Variants in NDUFAF2 observed in about 807,000 individuals in gnomAD.
NDUFAF2 encodes the protein NADH:ubiquinone oxidoreductase complex assembly factor 2.
NDUFAF2 carries 13 observed loss-of-function variants against 22.8 expected under a neutral mutation model. The ratio of observed to expected loss-of-function variants is 0.57; its 90% CI spans 0.37 to 0.91. The LOEUF is 0.91. NDUFAF2 is among the 40% of genes least tolerant of loss of function. The pLI is 0.01. For synonymous variants in NDUFAF2, 53 were observed against 64.2 expected (o/e 0.83, Z 0.84); for missense variants, 162 against 195.2 (o/e 0.83, Z 1.01).
At chr5:61,116,278 G>A (rs1162834050) in intron 3 of NDUFAF2, 1 of 152,156 alleles carries the variant, frequency 6.6e-6, no homozygotes, top group Non-Finnish European at 1.5e-5. Context: ...ATGAAAAACA[G>A]AGACCCATAC....
intron 1 of NDUFAF2, among the ~76,000 whole-genome samples, chr5:60,995,637 A>G (rs1218867731): frequency 6.6e-6 from 1 of 152,326 alleles, no homozygotes; most frequent in African/African-American, 2.4e-5. Context: ...CCTGAAGCCA[A>G]CACAGCACTT....
chr5:61,071,139 A>G (rs570753989), intron 1 of NDUFAF2, among the ~76,000 whole-genome samples: 2 of 152,260 alleles, frequency 1.3e-5, no homozygotes, highest in East Asian at 3.9e-4. Context: ...TTGAACCTCT[A>G]CTGTGAGAGA....
At chr5:60,953,554 A>G (rs1034124866) in intron 1 of NDUFAF2, among the ~76,000 whole-genome samples, 1 of 152,094 alleles carries the variant, frequency 6.6e-6, no homozygotes, top group African/African-American at 2.4e-5. Flanking sequence ...TCCTGAGAAG[A>G]GGTTCAAGGC....
chr5:61,015,575 C>T (rs1485035742), intron 1 of NDUFAF2, among the ~76,000 whole-genome samples: 1 of 152,128 alleles, frequency 6.6e-6, no homozygotes, highest in Non-Finnish European at 1.5e-5. Context: ...AGCCACCTCA[C>T]CTGGCCCAAT....
chr5:61,149,219 C>T (rs901370633), intron 3 of NDUFAF2, among the ~76,000 whole-genome samples: 1 of 152,196 alleles, frequency 6.6e-6, no homozygotes, highest in Non-Finnish European at 1.5e-5. Context: ...GATCTGCCCG[C>T]TTTGACCTCC....
chr5:61,025,134 AT>A (rs565894400), intron 1 of NDUFAF2, among the ~76,000 whole-genome samples: 1 of 151,316 alleles, frequency 6.6e-6, no homozygotes, highest in South Asian at 2.1e-4. Flanking sequence ...ATGTTTTAAT[AT>A]TTTTTTTTCT....
At chr5:61,043,836 G>A (rs536493654) in intron 1 of NDUFAF2, among the ~76,000 whole-genome samples, 9 of 152,200 alleles carry the variant, frequency 5.9e-5, no homozygotes, top group Admixed American at 3.3e-4. Flanking sequence ...TATCTCTTCA[G>A]TACACTGATT....
chr5:60,969,036 C>T (rs1750794540), intron 1 of NDUFAF2, among the ~76,000 whole-genome samples: 1 of 152,078 alleles, frequency 6.6e-6, no homozygotes. Flanking sequence ...TTGCAAATGA[C>T]AGGATTGCAT....
At chr5:61,036,615 G>A (rs975139387) in intron 1 of NDUFAF2, among the ~76,000 whole-genome samples, 2 of 152,164 alleles carry the variant, frequency 1.3e-5, no homozygotes, top group Non-Finnish European at 2.9e-5. Context: ...CTGGGCCTAG[G>A]AGGGAAACTA....
At chr5:60,962,316 C>A (rs989796456) in intron 1 of NDUFAF2, among the ~76,000 whole-genome samples, 1 of 151,768 alleles carries the variant, frequency 6.6e-6, no homozygotes, top group Non-Finnish European at 1.5e-5. Flanking sequence ...TTGAAAGCAT[C>A]ATCAAGTTTT....
chr5:61,018,935 A>G (rs1382088583), intron 1 of NDUFAF2, among the ~76,000 whole-genome samples: 3 of 152,130 alleles, frequency 2.0e-5, no homozygotes, highest in Admixed American at 1.3e-4. Flanking sequence ...TTGTTTCCAA[A>G]TAAAATATCA....
chr5:60,978,044 G>A (rs757112124), intron 1 of NDUFAF2, among the ~76,000 whole-genome samples: 2 of 152,146 alleles, frequency 1.3e-5, no homozygotes, highest in African/African-American at 2.4e-5. Flanking sequence ...TTCCCTGGTA[G>A]CAGCTGTGGG....
At chr5:61,011,184 G>A (rs1267763226) in intron 1 of NDUFAF2, among the ~76,000 whole-genome samples, 1 of 152,062 alleles carries the variant, frequency 6.6e-6, no homozygotes, top group African/African-American at 2.4e-5. Context: ...TTCATATGAG[G>A]TTTTTCCTGT....
At chr5:61,080,897 A>T (rs1752432723) in intron 2 of NDUFAF2, among the ~76,000 whole-genome samples, 1 of 151,878 alleles carries the variant, frequency 6.6e-6, no homozygotes, top group Non-Finnish European at 1.5e-5. Context: ...TTTATATATC[A>T]TGGTTTCAAT....
At chr5:61,087,941 A>G (rs1752523548) in intron 2 of NDUFAF2, among the ~76,000 whole-genome samples, 1 of 152,146 alleles carries the variant, frequency 6.6e-6, no homozygotes, top group African/African-American at 2.4e-5. Flanking sequence ...GTTTCTGTGC[A>G]TCAGGAGCCC....
intron 3 of NDUFAF2, among the ~76,000 whole-genome samples, chr5:61,110,249 A>C (rs1378225924): frequency 1.3e-5 from 2 of 151,348 alleles, no homozygotes; most frequent in Non-Finnish European, 2.9e-5. Flanking sequence ...ATATTGGCCT[A>C]TAGTTTTCTT....
intron 1 of NDUFAF2, among the ~76,000 whole-genome samples, chr5:61,062,834 C>G (rs752292021): frequency 3.9e-5 from 6 of 152,238 alleles, no homozygotes; most frequent in East Asian, 1.9e-4. Context: ...ATTAAGAAAT[C>G]TCCATTAGAC....
rs535558957 is a variant in NDUFAF2 at position 61,072,010 on chromosome 5, T to C, written c.128-1115T>C. ...TATTGAGAAATATAAGCATTAGGCA[T>C]TCTCATTCCATTCTTGACTTCTCAC... On this transcript the variant is annotated intron_variant, in intron 1 of 3. Coordinates refer to ENST00000296597, the MANE Select transcript of NDUFAF2 (RefSeq NM_174889.5). Among the ~76,000 whole-genome samples, 7 of 152,372 alleles carry C rather than the reference T, an allele frequency of 4.6e-5. 1 individual carries two copies. The highest frequency in any genetic ancestry group is 1.7e-4 in the African/African-American group (7 of 41,592).
intron 1 of NDUFAF2, among the ~76,000 whole-genome samples, chr5:60,974,218 C>G (rs1053112358): frequency 6.6e-6 from 1 of 152,162 alleles, no homozygotes; most frequent in African/African-American, 2.4e-5. Context: ...GCTGAGTCTT[C>G]CAGGCTTCAT....
Sources: gnomAD v4.1 joint callset for allele counts (sites outside exome capture counted in the v4.1 genomes callset) on GRCh38, gnomAD v4.1.1 for gene constraint, MANE v1.5 for transcripts, NCBI Gene and HGNC (gene_info 2026-07-23, HGNC 2026-07-21) for gene names.